The following UBR3 variants were observed in gnomAD, a reference collection of about 807,000 sequenced individuals.
The protein encoded by UBR3 is E3 ubiquitin-protein ligase UBR3.
A neutral mutation model predicts 243.2 loss-of-function variants in UBR3; 85 were observed. The observed-to-expected ratio is 0.35, with a 90% CI of 0.29 to 0.42. The LOEUF (loss-of-function observed/expected upper bound fraction) is 0.42, where lower values mean the gene tolerates loss of function less well. Among genes scored for constraint, UBR3 ranks in the 10% least tolerant of loss-of-function variants. The probability of loss-of-function intolerance (pLI) is 1.00; values close to 1 mark genes in which losing one functional copy is unlikely to be tolerated. For synonymous variants in UBR3, 748 were observed against 799.8 expected (o/e 0.94, Z 1.09); for missense variants, 1,686 against 2,300.8 (o/e 0.73, Z 5.47).
At chr2:170,039,240 G>A (rs903256999) in intron 31 of UBR3, among the ~76,000 whole-genome samples, 7 of 152,158 alleles carry the variant, frequency 4.6e-5, no homozygotes. Flanking sequence ...CAGGCAGAAT[G>A]TTCAGCTGTA....
chr2:169,900,821 C>T (rs183635233), intron 8 of UBR3, among the ~76,000 whole-genome samples: 5 of 152,044 alleles, frequency 3.3e-5, no homozygotes, highest in African/African-American at 9.6e-5. Context: ...AATGTTCACT[C>T]CCATTGTTCT....
At chr2:170,041,014 T>C in intron 32 of UBR3, 29 bp downstream of exon 32, 1 of 1,568,640 alleles carries the variant, frequency 6.4e-7, no homozygotes, top group Non-Finnish European at 8.8e-7. Context: ...GATTCTTTGA[T>C]TATATACTAT....
chr2:169,837,623 G>C (rs1348533759), intron 1 of UBR3, among the ~76,000 whole-genome samples: 1 of 152,202 alleles, frequency 6.6e-6, no homozygotes. Context: ...AGCAGGGGGG[G>C]AGAAGCGAGC....
intron 32 of UBR3, among the ~76,000 whole-genome samples, chr2:170,044,151 A>C (rs1392612616): frequency 6.6e-6 from 1 of 152,136 alleles, no homozygotes; most frequent in Non-Finnish European, 1.5e-5. Context: ...TGTAAGAGTT[A>C]ATAGTGGTCT....
In UBR3 at chr2:170,082,975, T is replaced by C. The variant is rs965710550; in HGVS notation, c.*1132T>C. 1 of 152,548 alleles carries C rather than the reference T, an allele frequency of 6.6e-6. No individual in the cohort carries two copies. Among genetic ancestry groups the C allele is most frequent in the Admixed American group, 6.5e-5 (1 of 15,272 alleles). 9.4% of individuals were successfully genotyped at this position (152,548 alleles called of 1,614,324 possible). On this transcript the variant is annotated 3_prime_UTR_variant, in exon 39 of 39. Transcript: ENST00000272793. ...TCAGTAAAAATGGGAATGATTGAGCTAAAACCCACTCTATGAGAAGGAAGA... is the reference window on the plus strand; with the variant it reads ...TCAGTAAAAATGGGAATGATTGAGCCAAAACCCACTCTATGAGAAGGAAGA...
intron 26 of UBR3, among the ~76,000 whole-genome samples, chr2:169,996,893 G>T (rs1335005187): frequency 2.0e-5 from 3 of 151,360 alleles, no homozygotes; most frequent in Non-Finnish European, 2.9e-5. Flanking sequence ...TAGAGACAGG[G>T]TTTCACCATG....
intron 35 of UBR3, among the ~76,000 whole-genome samples, chr2:170,064,780 C>A (rs2091520098): frequency 1.6e-5 from 2 of 127,420 alleles, no homozygotes; most frequent in Admixed American, 1.5e-4. Flanking sequence ...CCAATTTATT[C>A]TTGACGTCTT....
At chr2:170,080,193 G>T in intron 37 of UBR3, 170 bp downstream of exon 37, 1 of 664,024 alleles carries the variant, frequency 1.5e-6, no homozygotes, top group Non-Finnish European at 2.5e-6. Flanking sequence ...AAGTCTTTGA[G>T]GCTTTAAGTG....
intron 1 of UBR3, among the ~76,000 whole-genome samples, chr2:169,832,300 C>G (rs1246350710): frequency 6.6e-6 from 1 of 152,146 alleles, no homozygotes; most frequent in South Asian, 2.1e-4. Flanking sequence ...CCTGCAATCC[C>G]AGCACTTTGG....
Position 169,827,610 on chromosome 2 carries a change from C to T in UBR3, c.103C>T (p.Leu35Phe). ...ALDKAATAAH[L>F]KAALSRPDNR... is the part of the protein sequence containing the mutation. ...AGACAAGGCGGCCACCGCCGCGCAC[C>T]TCAAGGCGGCCCTCAGCCGGCCGGA... Residue 35 changes from leucine (L) to phenylalanine (F), a missense_variant, in exon 1 of 39, where the codon CTC (leucine) becomes TTC (phenylalanine). Coordinates refer to ENST00000272793, the MANE Select transcript of UBR3 (RefSeq NM_172070.4). 7.9e-7 allele frequency: 1 copy of T among 1,268,598 alleles called. No individual in the cohort carries two copies. Among genetic ancestry groups the T allele is most frequent in the Non-Finnish European group, 9.9e-7 (1 of 1,007,802 alleles). The allele number at this position is 1,268,598 out of a possible 1,614,324, so 78.6% of individuals were successfully genotyped here. A position where few individuals can be genotyped will look rare whatever the true frequency, so the allele number is the denominator to read the frequency against.
At chr2:169,954,808 T>C (rs1459726741) in intron 23 of UBR3, among the ~76,000 whole-genome samples, 7 of 152,080 alleles carry the variant, frequency 4.6e-5, no homozygotes, top group Admixed American at 4.6e-4. Flanking sequence ...CTCCTGACCT[T>C]GTGATCCACC....
intron 29 of UBR3, among the ~76,000 whole-genome samples, chr2:170,011,191 TAAAC>T (rs1019767895): frequency 3.3e-5 from 5 of 151,950 alleles, no homozygotes; most frequent in Non-Finnish European, 7.4e-5. Flanking sequence ...AAAAATAAGA[TAAAC>T]AAATTGACTC....
chr2:169,991,406 A>T (rs1421501586), intron 25 of UBR3, among the ~76,000 whole-genome samples: 2 of 152,170 alleles, frequency 1.3e-5, no homozygotes, highest in East Asian at 3.9e-4. Flanking sequence ...TATATGGAAC[A>T]TTATCCTAGG....
chr2:169,967,265 G>A (rs868433365), intron 24 of UBR3, among the ~76,000 whole-genome samples: 57 of 36,162 alleles, frequency 1.6e-3, no homozygotes, highest in East Asian at 1.8e-3. Context: ...TGCGCCCCCC[G>A]CCCCCCCCCA....
intron 11 of UBR3, among the ~76,000 whole-genome samples, chr2:169,918,121 A>G (rs1015871772): frequency 1.1e-4 from 16 of 152,134 alleles, no homozygotes; most frequent in African/African-American, 3.9e-4. Context: ...AAGTTATGGT[A>G]CTTCTGGGTC....
intron 1 of UBR3, among the ~76,000 whole-genome samples, chr2:169,871,344 G>T (rs941032573): frequency 6.6e-6 from 1 of 151,852 alleles, no homozygotes; most frequent in South Asian, 2.1e-4. Context: ...TGAGGCTGAG[G>T]TGGGAGGATT....
intron 31 of UBR3, among the ~76,000 whole-genome samples, chr2:170,035,915 G>GT: frequency 7.2e-6 from 1 of 138,408 alleles, no homozygotes; most frequent in African/African-American, 2.6e-5. Flanking sequence ...TTTATTGGGG[G>GT]GGGGGTTGCT....
chr2:170,025,532 A>G (rs1209074434), intron 30 of UBR3, among the ~76,000 whole-genome samples: 7 of 152,200 alleles, frequency 4.6e-5, no homozygotes, highest in Admixed American at 6.5e-5. Context: ...CCTGAAAAAG[A>G]AAATGGACTA....
intron 19 of UBR3, among the ~76,000 whole-genome samples, chr2:169,939,500 C>G (rs1047415208): frequency 6.6e-6 from 1 of 151,658 alleles, no homozygotes; most frequent in Non-Finnish European, 1.5e-5. Context: ...ATCTCCTGAC[C>G]TCGTGATCCG....
Sources: allele counts gnomAD v4.1 joint callset (sites outside exome capture counted in the v4.1 genomes callset), GRCh38; gene constraint gnomAD v4.1.1; transcripts MANE v1.5; gene names NCBI Gene and HGNC (gene_info 2026-07-23, HGNC 2026-07-21).